Variants in TLN2 observed in about 807,000 individuals in gnomAD.
TLN2 encodes talin 2, also known as talin-2.
In TLN2, 118 loss-of-function variants were observed where a neutral mutation model predicts 294.7. The observed-to-expected ratio is 0.40, with a 90% CI of 0.34 to 0.47. TLN2 has a LOEUF of 0.47. Ranked by LOEUF, TLN2 falls within the 20% of genes least tolerant of loss-of-function variation. TLN2 has a pLI of 0.84. For missense variants in TLN2, 3,083 were observed against 3,282.2 expected, an observed-to-expected ratio of 0.94 and a Z score of 1.48; for synonymous variants, 1,431 against 1,304.5, an observed-to-expected ratio of 1.10 and a Z score of -2.09.
chr15:62,459,025 A>G (rs1300038702), intron 1 of TLN2, among the ~76,000 whole-genome samples: 2 of 151,644 alleles, frequency 1.3e-5, no homozygotes, highest in African/African-American at 2.4e-5. Context: ...TTTTGGAGAC[A>G]GAGTCTCACT....
intron 1 of TLN2, among the ~76,000 whole-genome samples, chr15:62,466,350 G>A (rs530817768): frequency 6.6e-6 from 1 of 152,334 alleles, no homozygotes; most frequent in East Asian, 1.9e-4. Flanking sequence ...GGCTTTCTCA[G>A]TCCTCAGCAC....
chr15:62,549,995 T>C (rs1419378711), intron 1 of TLN2, among the ~76,000 whole-genome samples: 1 of 152,176 alleles, frequency 6.6e-6, no homozygotes, highest in Non-Finnish European at 1.5e-5. Context: ...ACTTTCTAGC[T>C]GGTTCTGATG....
chr15:62,582,246 A>ACACACCCACACC, intron 1 of TLN2, among the ~76,000 whole-genome samples: 1 of 137,310 alleles, frequency 7.3e-6, no homozygotes, highest in South Asian at 2.5e-4. Flanking sequence ...ACACACACAC[A>ACACACCCACACC]CATTCATGCC....
In TLN2 at chr15:62,835,971, G is replaced by A; in HGVS notation, c.7272G>A (p.Lys2424=). 2 of 1,614,162 alleles carry A rather than the reference G, an allele frequency of 1.2e-6. No homozygotes were observed. The highest frequency in any genetic ancestry group is 2.2e-5 in the East Asian group (1 of 44,874). ...TTCAGGGACACGCCAGCGAGGAGAA[G>A]CTCATCTCATCTGCCAAGCAGGTCG... ...ASVQGHASEE[K]LISSAKQVAA... is the part of the protein sequence containing the mutation. The change falls in exon 57 of 59, where the codon AAG becomes AAA. Residue 2424 remains lysine, a synonymous_variant. Transcript: ENST00000636159.
At chr15:62,425,382 C>T (rs1457323899) in intron 1 of TLN2, among the ~76,000 whole-genome samples, 1 of 152,166 alleles carries the variant, frequency 6.6e-6, no homozygotes. Flanking sequence ...TACCTTGGGA[C>T]GTGCATCCTC....
At chr15:62,438,254 T>A (rs1183081071) in intron 1 of TLN2, among the ~76,000 whole-genome samples, 1 of 152,170 alleles carries the variant, frequency 6.6e-6, no homozygotes, top group Non-Finnish European at 1.5e-5. Context: ...CCAGATCACA[T>A]CCTTGCTTTT....
chr15:62,569,712 TG>T (rs2043705735), intron 1 of TLN2, among the ~76,000 whole-genome samples: 1 of 152,230 alleles, frequency 6.6e-6, no homozygotes. Context: ...AAACAGAAGT[TG>T]GGTAGCACGT....
intron 29 of TLN2, among the ~76,000 whole-genome samples, 199 bp downstream of exon 29, chr15:62,737,285 G>A (rs1438959443): frequency 6.6e-6 from 1 of 152,230 alleles, no homozygotes; most frequent in African/African-American, 2.4e-5. Context: ...CCACAGTAAT[G>A]TGTGATCTGC....
intron 3 of TLN2, among the ~76,000 whole-genome samples, chr15:62,640,749 G>T (rs1050613902): frequency 4.6e-5 from 7 of 152,144 alleles, no homozygotes; most frequent in African/African-American, 1.7e-4. Flanking sequence ...AAAGCATGTT[G>T]TGTGACTGCG....
intron 1 of TLN2, among the ~76,000 whole-genome samples, chr15:62,468,154 A>C (rs1253647728): frequency 6.6e-6 from 1 of 152,000 alleles, no homozygotes; most frequent in Non-Finnish European, 1.5e-5. Context: ...TTATTAAATA[A>C]ATTTCCAAAA....
chr15:62,694,397 G>A lies in TLN2; in HGVS notation c.1292+5G>A, dbSNP rs2058171740. Reference sequence around the variant, plus strand: ...AGAGTCCGTTTCCCCAAAAAAGTAAGTATTATGAAGAGTACTAGAGGACCA... The same window carrying A: ...AGAGTCCGTTTCCCCAAAAAAGTAAATATTATGAAGAGTACTAGAGGACCA... On this transcript the variant is annotated splice_donor_5th_base_variant and intron_variant, in intron 14 of 58. Transcript: ENST00000636159. The A allele has an allele frequency of 1.2e-6, 2 of 1,613,666 alleles. No individual in the cohort carries two copies. The highest frequency in any genetic ancestry group is 1.7e-6 in the Non-Finnish European group (2 of 1,179,604).
chr15:62,808,906 C>A (rs964693477), intron 51 of TLN2, among the ~76,000 whole-genome samples: 1 of 152,168 alleles, frequency 6.6e-6, no homozygotes, highest in Non-Finnish European at 1.5e-5. Context: ...AAGGGGGGAG[C>A]CCAAGGTATT....
At chr15:62,830,648 G>A (rs1030333412) in intron 54 of TLN2, 1 of 152,156 alleles carries the variant, frequency 6.6e-6, no homozygotes, top group Non-Finnish European at 1.5e-5. Context: ...TATGGTATGA[G>A]GACACGTTAA....
intron 1 of TLN2, among the ~76,000 whole-genome samples, chr15:62,508,238 C>T (rs1296216137): frequency 6.6e-6 from 1 of 152,062 alleles, no homozygotes; most frequent in Non-Finnish European, 1.5e-5. Context: ...TATTTAAAGA[C>T]AGAGTTTCTC....
chr15:62,788,595 G>A (rs2064861414), intron 45 of TLN2, among the ~76,000 whole-genome samples: 1 of 152,160 alleles, frequency 6.6e-6, no homozygotes, highest in Non-Finnish European at 1.5e-5. Flanking sequence ...CAGGCTCAGG[G>A]AACTTAGTTA....
chr15:62,666,843 G>C (rs898480305), intron 9 of TLN2, among the ~76,000 whole-genome samples: 2 of 152,234 alleles, frequency 1.3e-5, no homozygotes, highest in African/African-American at 4.8e-5. Flanking sequence ...AGCCCACTGT[G>C]TCAGTGGTTC....
intron 1 of TLN2, among the ~76,000 whole-genome samples, chr15:62,486,162 A>G (rs1272747342): frequency 2.6e-5 from 4 of 152,178 alleles, no homozygotes; most frequent in African/African-American, 9.7e-5. Flanking sequence ...GCTGCTAAAT[A>G]CTTTAGAAAG....
chr15:62,665,230 CTT>C (rs1312335606), intron 9 of TLN2, among the ~76,000 whole-genome samples: 1 of 151,970 alleles, frequency 6.6e-6, no homozygotes, highest in South Asian at 2.1e-4. Context: ...GCCCAGCTAA[CTT>C]TTGTATGGGG....
At chr15:62,661,724 C>T (rs2053855102) in intron 9 of TLN2, among the ~76,000 whole-genome samples, 1 of 151,996 alleles carries the variant, frequency 6.6e-6, no homozygotes, top group African/African-American at 2.4e-5. Flanking sequence ...AGACAAAGAG[C>T]AGAGAGAATG....
Sources: allele counts gnomAD v4.1 joint callset (sites outside exome capture counted in the v4.1 genomes callset), GRCh38; gene constraint gnomAD v4.1.1; transcripts MANE v1.5; gene names NCBI Gene and HGNC (gene_info 2026-07-23, HGNC 2026-07-21).